Variants in ACACB observed in about 807,000 individuals in gnomAD.
The protein encoded by ACACB is acetyl-CoA carboxylase 2.
A neutral mutation model predicts 278.8 loss-of-function variants in ACACB; 209 were observed. That is an observed-to-expected ratio of 0.75 (90% CI 0.67 to 0.84). ACACB has a LOEUF of 0.84. Ranked by LOEUF, ACACB falls within the 40% of genes least tolerant of loss-of-function variation. ACACB has a pLI of 0.00. For missense variants in ACACB, 2,850 were observed against 3,269.0 expected, an observed-to-expected ratio of 0.87 and a Z score of 3.13; for synonymous variants, 1,174 against 1,285.6, an observed-to-expected ratio of 0.91 and a Z score of 1.86.
At chr12:109,171,352 T>C (rs1471152820) in intron 4 of ACACB, among the ~76,000 whole-genome samples, 2 of 147,008 alleles carry the variant, frequency 1.4e-5, no homozygotes, top group Non-Finnish European at 2.9e-5. Context: ...ACATTTTCTT[T>C]CTTTTTTTTT....
intron 34 of ACACB, among the ~76,000 whole-genome samples, 185 bp from the exon 35 acceptor site, chr12:109,239,645 C>T (rs1018898134): frequency 3.3e-5 from 5 of 152,254 alleles, no homozygotes; most frequent in African/African-American, 9.6e-5. Context: ...CATGTCAATA[C>T]ACTCAACAGC....
chr12:109,226,680 C>T (rs970749322), intron 27 of ACACB, among the ~76,000 whole-genome samples: 1 of 102,066 alleles, frequency 9.8e-6, no homozygotes, highest in Non-Finnish European at 1.9e-5. Context: ...GCCTGGGCAA[C>T]AAGAACAAAA....
At chr12:109,241,011 C>G (rs1169331209) in intron 35 of ACACB, 67 bp from the exon 36 acceptor site, 2 of 1,488,038 alleles carry the variant, frequency 1.3e-6, no homozygotes, top group African/African-American at 1.4e-5. Context: ...TTATTAGTAT[C>G]AGTGCTATTG....
chr12:109,221,664 A>G (rs1393310762), intron 24 of ACACB, among the ~76,000 whole-genome samples: 2 of 152,122 alleles, frequency 1.3e-5, no homozygotes, highest in Non-Finnish European at 2.9e-5. Context: ...TGGGGGCAGA[A>G]TAGTGCTGTG....
intron 20 of ACACB, 130 bp from the exon 21 acceptor site, chr12:109,209,035 T>A: frequency 9.7e-7 from 1 of 1,029,492 alleles, no homozygotes; most frequent in South Asian, 1.6e-5. Flanking sequence ...CAGAGGCTGC[T>A]GGGTCTGGAT....
Position 109,256,217 on chromosome 12 carries a change from G to A in ACACB, c.6244G>A (p.Val2082Met), listed in dbSNP as rs1170639005. ...AATCATGGCACCCTGGGCGCAGACC[G>A]TGGTGACAGGACGAGCAAGGTAATC... ...KEIMAPWAQT[V>M]VTGRARLGGI... is the part of the protein sequence containing the mutation. The change falls in exon 45 of 53, where the codon GTG (valine) becomes ATG (methionine). Residue 2082 changes from valine (V) to methionine (M), a missense_variant. Physicochemically the swap from Val to Met is conservative, Grantham distance 21. Transcript: ENST00000338432. 20 of 1,613,910 alleles carry A rather than the reference G, an allele frequency of 1.2e-5. No individual in the cohort carries two copies. The highest frequency in any genetic ancestry group is 3.3e-5 in the Admixed American group (2 of 60,024).
chr12:109,265,542 C>A lies in ACACB; in HGVS notation c.7250+17C>A, dbSNP rs1483070225. 1 of 1,611,514 alleles carries A rather than the reference C, an allele frequency of 6.2e-7. No individual in the cohort carries two copies. Among genetic ancestry groups the A allele is most frequent in the Non-Finnish European group, 8.5e-7 (1 of 1,178,880 alleles). On this transcript the variant is annotated intron_variant, in intron 52 of 52. Transcript: ENST00000338432. The stretch of plus-strand genomic sequence containing the variant: ...CATCCGAGGGTGAGTGGCCACCGCA[C>A]CTGCTTCCCAGCCTCCTGGCAAGGA...
intron 21 of ACACB, among the ~76,000 whole-genome samples, chr12:109,209,832 C>CACATACACACACGTGTGTATATATGT (rs1565924632): frequency 0.018 from 2,477 of 140,892 alleles, 341 homozygotes; most frequent in African/African-American, 0.064. Context: ...CATATATATA[C>CACATACACACACGTGTGTATATATGT]ACATACACAC....
chr12:109,210,470 T>C lies in ACACB; in HGVS notation c.3249+1117T>C, dbSNP rs372470773. Among the ~76,000 whole-genome samples the C allele has an allele frequency of 3.8e-4, 56 of 147,554 alleles. 2 individuals are homozygous for C. The highest frequency in any genetic ancestry group is 6.0e-4 in the Non-Finnish European group (40 of 66,840). ...GTGTATATATGTATATATACGCACA[T>C]ACATGTGTATATGTGTATATATACA... is the stretch of plus-strand genomic sequence containing the variant. On this transcript the variant is annotated intron_variant, in intron 21 of 52. Transcript: ENST00000338432.
intron 1 of ACACB, among the ~76,000 whole-genome samples, chr12:109,119,099 AAGG>A (rs774890645): frequency 1.3e-5 from 2 of 152,126 alleles, no homozygotes; most frequent in Admixed American, 1.3e-4. Flanking sequence ...CAATCCTAGG[AAGG>A]AGATTTTATT....
chr12:109,220,530 ATGG>A (rs1446902849), intron 24 of ACACB, among the ~76,000 whole-genome samples: 1 of 152,092 alleles, frequency 6.6e-6, no homozygotes, highest in Non-Finnish European at 1.5e-5. Context: ...AGAAAGAAAA[ATGG>A]TGTTGTTGTT....
rs370089652 is a variant in ACACB at position 109,227,422 on chromosome 12, C to T, written c.3934C>T (p.Arg1312Trp). 4.8e-5 allele frequency: 77 copies of T among 1,613,374 alleles called. No individual in the cohort carries two copies. Among genetic ancestry groups the T allele is most frequent in the African/African-American group, 2.4e-4 (18 of 74,924 alleles). Reference sequence around the variant, plus strand: ...CTATGAGTTAAACAGCCTGCAGCACCGGCAGCTCCCGGACGGCACCTGCGT... The same window carrying T: ...CTATGAGTTAAACAGCCTGCAGCACTGGCAGCTCCCGGACGGCACCTGCGT... ...IAYELNSLQHRQLPDGTCVVE... is the reference protein window; with the variant it reads ...IAYELNSLQHWQLPDGTCVVE... Residue 1312 changes from arginine (R) to tryptophan (W), a missense_variant, in exon 28 of 53, where the codon CGG becomes TGG. This residue lies in a region of ACACB where 2,265 missense variants were observed against 2,561.3 expected (regional missense o/e 0.88). Coordinates refer to ENST00000338432, the MANE Select transcript of ACACB (RefSeq NM_001093.4).
chr12:109,156,199 C>G (rs1183034280), intron 2 of ACACB, among the ~76,000 whole-genome samples: 1 of 152,176 alleles, frequency 6.6e-6, no homozygotes, highest in South Asian at 2.1e-4. Flanking sequence ...ACAGCCACTG[C>G]ACTCTAGCCT....
chr12:109,228,798 G>A (rs181424005), intron 28 of ACACB, among the ~76,000 whole-genome samples: 19 of 152,284 alleles, frequency 1.2e-4, no homozygotes, highest in Admixed American at 1.2e-3. Flanking sequence ...CCATTGGGAA[G>A]AGTCATGAGA....
At chr12:109,254,128 A>G in intron 43 of ACACB, 86 bp from the exon 44 acceptor site, 1 of 1,524,580 alleles carries the variant, frequency 6.6e-7, no homozygotes, top group Non-Finnish European at 9.1e-7. Flanking sequence ...ACCAGGCATA[A>G]TCATAGTCAG....
chr12:109,190,256 T>G (rs1342200716), intron 13 of ACACB, among the ~76,000 whole-genome samples: 1 of 152,058 alleles, frequency 6.6e-6, no homozygotes, highest in Non-Finnish European at 1.5e-5. Context: ...GCCCGGCTAG[T>G]TTTGTATTTT....
rs1252175799 is a variant in ACACB, at chr12:109,267,573, T to A, written c.*1211T>A. ...CTCTGTGACGGTCACCACTGCTCCCTTGGAGGGCCACTTGAGTTACTGTTG... is the reference window on the plus strand; with the variant it reads ...CTCTGTGACGGTCACCACTGCTCCCATGGAGGGCCACTTGAGTTACTGTTG... On this transcript the variant is annotated 3_prime_UTR_variant, in exon 53 of 53. Coordinates refer to ENST00000338432, the MANE Select transcript of ACACB (RefSeq NM_001093.4). 1 of 152,376 alleles carries A rather than the reference T, an allele frequency of 6.6e-6. No homozygotes were observed. The highest frequency in any genetic ancestry group is 1.5e-5 in the Non-Finnish European group (1 of 68,162). The allele number at this position is 152,376 out of a possible 1,614,324, so 9.4% of individuals were successfully genotyped here.
At chr12:109,134,179 C>G (rs1227883467) in intron 1 of ACACB, among the ~76,000 whole-genome samples, 1 of 152,100 alleles carries the variant, frequency 6.6e-6, no homozygotes, top group Non-Finnish European at 1.5e-5. Flanking sequence ...CAAGCACCAC[C>G]CAGTCGGTCA....
intron 2 of ACACB, among the ~76,000 whole-genome samples, chr12:109,144,687 G>A (rs73415116): frequency 0.015 from 2,216 of 151,296 alleles, 79 homozygotes; most frequent in African/African-American, 0.051. Context: ...CAGGGCTGAA[G>A]AAAGCAGAAA....
Sources: gnomAD v4.1 joint callset for allele counts (sites outside exome capture counted in the v4.1 genomes callset) on GRCh38, gnomAD v4.1.1 for gene constraint, gnomAD v4.1.1 regional missense constraint, MANE v1.5 for transcripts, NCBI Gene and HGNC (gene_info 2026-07-23, HGNC 2026-07-21) for gene names.